CX3CR1: variants seen among roughly 807,000 people sequenced by gnomAD.
CX3CR1 encodes CX3C chemokine receptor 1.
For synonymous variants in CX3CR1, 168 were observed against 178.5 expected (o/e 0.94, Z 0.47); for missense variants, 363 against 432.4 (o/e 0.84, Z 1.42).
Position 39,265,671 on chromosome 3 carries a change from G to A in CX3CR1, c.839C>T (p.Thr280Met), listed in dbSNP as rs3732378. Reference protein sequence around the residue: ...DLRLALSVTETVAFSHCCLNP... With the variant: ...DLRLALSVTEMVAFSHCCLNP... ...CAGGCAACAATGGCTAAATGCAACCGTCTCAGTCACACTGAGGGCCAGCCT... is the reference window on the plus strand; with the variant it reads ...CAGGCAACAATGGCTAAATGCAACCATCTCAGTCACACTGAGGGCCAGCCT... Residue 280 changes from threonine to methionine, a missense_variant, in exon 2 of 2, where the codon ACG (threonine) becomes ATG (methionine). Transcript: ENST00000399220. 251,190 of 1,613,948 alleles carry A rather than the reference G, an allele frequency of 0.16. 21,070 individuals carry two copies. Among genetic ancestry groups the A allele is most frequent in the Non-Finnish European group, 0.17 (203,704 of 1,179,922 alleles).
At position 39,263,609 on chromosome 3, in the gene CX3CR1, C is replaced by T. The variant is rs1265701585; in HGVS notation, c.*1833G>A. 1 of 152,182 alleles carries T rather than the reference C, an allele frequency of 6.6e-6. No homozygotes were observed. Among genetic ancestry groups the T allele is most frequent in the East Asian group, 1.9e-4 (1 of 5,196 alleles). The allele number at this position is 152,182 out of a possible 1,614,324, so 9.4% of individuals were successfully genotyped here. On this transcript the variant is annotated 3_prime_UTR_variant, in exon 2 of 2. Transcript: ENST00000399220. ...ATCTTGAAGGAACATGACTTATTCTCTCATTCATTATACAAACATATAGAC... is the reference window on the plus strand; with the variant it reads ...ATCTTGAAGGAACATGACTTATTCTTTCATTCATTATACAAACATATAGAC...
rs947671556 is a variant in CX3CR1, at chr3:39,279,947, C to T, written c.-10+7G>A. 20 of 984,012 alleles carry T rather than the reference C, an allele frequency of 2.0e-5. No homozygotes were observed. The African/African-American group carries it at 3.3e-4, about 16-fold the overall frequency. The allele number at this position is 984,012 out of a possible 1,614,324, so 61.0% of individuals were successfully genotyped here. A position where few individuals can be genotyped will look rare whatever the true frequency, so the allele number is the denominator to read the frequency against. On this transcript the variant is annotated splice_region_variant and intron_variant, in intron 1 of 1. Transcript: ENST00000399220. Reference sequence around the variant, plus strand: ...CCACAGGTACCCAACTAGTCCTGTGCACCTACCTGGCGTGGACTGCCAAGG... The same window carrying T: ...CCACAGGTACCCAACTAGTCCTGTGTACCTACCTGGCGTGGACTGCCAAGG...
At chr3:39,283,796 T>A (rs1325126807), upstream of CX3CR1, among the ~76,000 whole-genome samples, 118 of 8,080 alleles carry the variant, frequency 0.015, 2 homozygotes, top group East Asian at 0.081. Flanking sequence ...AAAAAAAAAT[T>A]ATATATATAT....
chr3:39,282,598 CA>C (rs1319621634), upstream of CX3CR1, among the ~76,000 whole-genome samples: 1 of 152,120 alleles, frequency 6.6e-6, no homozygotes, highest in Non-Finnish European at 1.5e-5. Flanking sequence ...TGGGTGTCCC[CA>C]CCCATCACTG....
At chr3:39,281,999 T>G (rs2040907031), upstream of CX3CR1, among the ~76,000 whole-genome samples, 2 of 152,170 alleles carry the variant, frequency 1.3e-5, no homozygotes, top group Admixed American at 6.5e-5. Context: ...TACCTGTGAA[T>G]GTGTGAGGGA....
upstream of CX3CR1, among the ~76,000 whole-genome samples, chr3:39,284,926 A>G (rs1371967634): frequency 6.6e-6 from 1 of 152,236 alleles, no homozygotes; most frequent in Non-Finnish European, 1.5e-5. Flanking sequence ...TTGAGGGTCA[A>G]GTGAGCATCC....
chr3:39,288,499 T>C, the CX3CR1 span, among the ~76,000 whole-genome samples: 2 of 152,194 alleles, frequency 1.3e-5, no homozygotes, highest in Non-Finnish European at 2.9e-5. Flanking sequence ...CCCTGAGCTC[T>C]GTCTCCCCCT....
Position 39,266,390 on chromosome 3 carries a change from G to A in CX3CR1, c.120C>T (p.Val40=), listed in dbSNP as rs2040700884. Residue 40 remains valine, a synonymous_variant, in exon 2 of 2, where the codon GTC becomes GTT. Transcript: ENST00000399220. ...TTCCCACCAGGCCAATGGCAAAGATGACGGAGTAGAATATGGACAGGAACA... is the reference window on the plus strand; with the variant it reads ...TTCCCACCAGGCCAATGGCAAAGATAACGGAGTAGAATATGGACAGGAACA... ...GTVFLSIFYS[V]IFAIGLVGNL... The A allele has an allele frequency of 6.2e-7, 1 of 1,614,208 alleles. No individual in the cohort carries two copies. The highest frequency in any genetic ancestry group is 8.5e-7 in the Non-Finnish European group (1 of 1,180,042).
upstream of CX3CR1, among the ~76,000 whole-genome samples, chr3:39,284,962 C>T (rs1029379434): frequency 4.6e-5 from 7 of 152,104 alleles, no homozygotes; most frequent in African/African-American, 7.2e-5. Context: ...ATTGACAAGT[C>T]GAAAGCAATA....
At chr3:39,267,859 C>A (rs1229894399) in intron 1 of CX3CR1, among the ~76,000 whole-genome samples, 1 of 152,240 alleles carries the variant, frequency 6.6e-6, no homozygotes, top group Non-Finnish European at 1.5e-5. Flanking sequence ...CACTCCCCTT[C>A]TTTTCGCAGC....
In CX3CR1 at chr3:39,265,234, A is replaced by G. The variant is rs1342120502; in HGVS notation, c.*208T>C. Reference sequence around the variant, plus strand: ...TCTGATGACATTTGCAGTAAGAGAAATGTCTACTCTTTGTCATTCAAAGAG... The same window carrying G: ...TCTGATGACATTTGCAGTAAGAGAAGTGTCTACTCTTTGTCATTCAAAGAG... On this transcript the variant is annotated 3_prime_UTR_variant, in exon 2 of 2. Coordinates refer to ENST00000399220, the MANE Select transcript of CX3CR1 (RefSeq NM_001337.4). 12 of 518,482 alleles carry G rather than the reference A, an allele frequency of 2.3e-5. No homozygotes were observed. The highest frequency in any genetic ancestry group is 3.7e-5 in the Non-Finnish European group (11 of 299,938). The allele number at this position is 518,482 out of a possible 1,614,324, so 32.1% of individuals were successfully genotyped here. A position where few individuals can be genotyped will look rare whatever the true frequency, so the allele number is the denominator to read the frequency against.
chr3:39,281,213 C>T, upstream of CX3CR1: 1 of 1,029,132 alleles, frequency 9.7e-7, no homozygotes, highest in South Asian at 3.5e-5. Flanking sequence ...TTTCTTTGTT[C>T]TTGGTCTCAG....
At chr3:39,292,716 C>T in the CX3CR1 span, among the ~76,000 whole-genome samples, 3 of 152,200 alleles carry the variant, frequency 2.0e-5, no homozygotes, top group African/African-American at 7.2e-5. Context: ...CTCAGAAAAG[C>T]TGAGTGTCTC....
At chr3:39,273,727 C>G (rs1575209308) in intron 1 of CX3CR1, among the ~76,000 whole-genome samples, 1 of 152,224 alleles carries the variant, frequency 6.6e-6, no homozygotes, top group South Asian at 2.1e-4. Flanking sequence ...CAGCCTTGAA[C>G]TCCTGGGATG....
chr3:39,276,049 G>A (rs1353177590), intron 1 of CX3CR1, among the ~76,000 whole-genome samples: 5 of 152,176 alleles, frequency 3.3e-5, no homozygotes, highest in Admixed American at 6.5e-5. Context: ...CAGAGGGTCT[G>A]AGCATAGGAA....
At chr3:39,278,739 C>T (rs2040866942) in intron 1 of CX3CR1, among the ~76,000 whole-genome samples, 1 of 141,172 alleles carries the variant, frequency 7.1e-6, no homozygotes, top group African/African-American at 2.7e-5. Context: ...TATAAACTCA[C>T]AAAGCAAGGA....
upstream of CX3CR1, chr3:39,281,521 C>T (rs967020091): frequency 3.4e-6 from 4 of 1,162,484 alleles, no homozygotes; most frequent in Non-Finnish European, 3.7e-6. Flanking sequence ...TGTTCATGAG[C>T]ACACATCTCT....
intron 1 of CX3CR1, among the ~76,000 whole-genome samples, chr3:39,273,058 T>C (rs566250859): frequency 5.1e-4 from 77 of 152,264 alleles, no homozygotes; most frequent in Non-Finnish European, 9.6e-4. Flanking sequence ...GATGCCTCTT[T>C]CCACAAAGCC....
In CX3CR1 at chr3:39,263,676, A is replaced by G. The variant is rs2040652186; in HGVS notation, c.*1766T>C. Reference sequence around the variant, plus strand: ...GATACACAGCAATTTAACAGTTACCACATCTGACTTCAATGAATACACAGT... The same window carrying G: ...GATACACAGCAATTTAACAGTTACCGCATCTGACTTCAATGAATACACAGT... On this transcript the variant is annotated 3_prime_UTR_variant, in exon 2 of 2. Coordinates refer to ENST00000399220, the MANE Select transcript of CX3CR1 (RefSeq NM_001337.4). 1 of 152,244 alleles carries G rather than the reference A, an allele frequency of 6.6e-6. No homozygotes were observed. Among genetic ancestry groups the G allele is most frequent in the Admixed American group, 6.5e-5 (1 of 15,286 alleles). 9.4% of individuals were successfully genotyped at this position (152,244 alleles called of 1,614,324 possible). A position where few individuals can be genotyped will look rare whatever the true frequency, so the allele number is the denominator to read the frequency against.
Sources: gnomAD v4.1 joint callset for allele counts (sites outside exome capture counted in the v4.1 genomes callset) on GRCh38, gnomAD v4.1.1 for gene constraint, MANE v1.5 for transcripts, NCBI Gene and HGNC (gene_info 2026-07-23, HGNC 2026-07-21) for gene names.